Variants in KIRREL1 observed in about 807,000 individuals in gnomAD.
The protein encoded by KIRREL1 is kirre like nephrin family adhesion molecule 1, also known as kin of IRRE-like protein 1.
KIRREL1 carries 25 observed loss-of-function variants against 83.3 expected under a neutral mutation model. The observed-to-expected ratio is 0.30, with a 90% confidence interval of 0.22 to 0.42. The LOEUF (loss-of-function observed/expected upper bound fraction) is 0.42. Ranked by LOEUF, KIRREL1 falls within the 10% of genes least tolerant of loss-of-function variation. KIRREL1 has a pLI of 1.00. For synonymous variants in KIRREL1, 388 were observed against 410.4 expected (o/e 0.95, Z 0.66); for missense variants, 812 against 1,032.3 (o/e 0.79, Z 2.92).
chr1:158,003,854 A>G (rs902943046), intron 1 of KIRREL1, among the ~76,000 whole-genome samples: 1 of 151,682 alleles, frequency 6.6e-6, no homozygotes, highest in African/African-American at 2.4e-5. Flanking sequence ...TGACTTCTGG[A>G]TTATCTGCAC....
intron 1 of KIRREL1, among the ~76,000 whole-genome samples, chr1:158,016,562 A>C (rs1399526490): frequency 1.3e-5 from 2 of 152,166 alleles, no homozygotes; most frequent in African/African-American, 4.8e-5. Flanking sequence ...TTTGGGATGC[A>C]TCATGGTGAT....
chr1:158,039,072 C>T (rs1660554840), intron 1 of KIRREL1, among the ~76,000 whole-genome samples: 1 of 152,154 alleles, frequency 6.6e-6, no homozygotes, highest in Non-Finnish European at 1.5e-5. Flanking sequence ...GGACCGGAGA[C>T]TTCTGATTGA....
At chr1:158,003,562 C>T (rs957343298) in intron 1 of KIRREL1, among the ~76,000 whole-genome samples, 2 of 152,152 alleles carry the variant, frequency 1.3e-5, no homozygotes, top group Non-Finnish European at 2.9e-5. Flanking sequence ...CCCCTTGATG[C>T]CTGACCCTCC....
rs1181094782 is a variant in KIRREL1 at position 158,088,337 on chromosome 1, G to T, written c.927G>T (p.Arg309=). The stretch of plus-strand genomic sequence containing the variant: ...CTTTCTCCCTCACAGTTGCTCCCCG[G>T]ATTGTAGTTGACCCCAAACCCACAA... ...STLVNVHFAP[R]IVVDPKPTTT... is the part of the protein sequence containing the mutation. Residue 309 remains arginine, a synonymous_variant, in exon 8 of 15, where the codon CGG becomes CGT. Transcript: ENST00000359209. The T allele has an allele frequency of 1.9e-6, 3 of 1,613,108 alleles. No homozygotes were observed. Among genetic ancestry groups the T allele is most frequent in the African/African-American group, 1.3e-5 (1 of 74,948 alleles).
intron 1 of KIRREL1, among the ~76,000 whole-genome samples, chr1:158,032,166 A>G (rs533964407): frequency 1.3e-5 from 2 of 152,300 alleles, no homozygotes; most frequent in East Asian, 3.9e-4. Flanking sequence ...TTAAGAATTT[A>G]ATGTATGATG....
At chr1:158,037,396 C>T (rs933447995) in intron 1 of KIRREL1, among the ~76,000 whole-genome samples, 1 of 150,190 alleles carries the variant, frequency 6.7e-6, no homozygotes, top group East Asian at 2.0e-4. Flanking sequence ...GGGAGGCTGA[C>T]GCAGGAGAAT....
chr1:158,061,451 T>C (rs1446972810), intron 1 of KIRREL1, among the ~76,000 whole-genome samples: 1 of 152,076 alleles, frequency 6.6e-6, no homozygotes, highest in African/African-American at 2.4e-5. Context: ...GACTCAGAGA[T>C]GGAGTGAAAG....
chr1:158,092,945 G>A (rs746323803), intron 11 of KIRREL1, among the ~76,000 whole-genome samples: 2 of 151,322 alleles, frequency 1.3e-5, no homozygotes. Flanking sequence ...GAAAGATGTC[G>A]GAACACGGGT....
intron 3 of KIRREL1, among the ~76,000 whole-genome samples, chr1:158,080,505 T>G (rs891010424): frequency 6.6e-6 from 1 of 151,996 alleles, no homozygotes; most frequent in African/African-American, 2.4e-5. Flanking sequence ...GAGGGCATGG[T>G]GGGTATTGAA....
Position 158,089,482 on chromosome 1 carries a change from A to C in KIRREL1, c.1045-20A>C. 6.2e-7 allele frequency: 1 copy of C among 1,613,742 alleles called. No homozygotes were observed. ...CCCAGGCCTCCTGGCTCCCCACCCG[A>C]GGCTGCTCTCTCTGCCCAGGTCCTG... is the stretch of plus-strand genomic sequence containing the variant. On this transcript the variant is annotated intron_variant, in intron 8 of 14. Coordinates refer to ENST00000359209, the MANE Select transcript of KIRREL1 (RefSeq NM_018240.7).
At chr1:158,032,114 AAC>A in intron 1 of KIRREL1, among the ~76,000 whole-genome samples, 1 of 152,204 alleles carries the variant, frequency 6.6e-6, no homozygotes, top group African/African-American at 2.4e-5. Context: ...CAAACAAACA[AAC>A]ACACTTGCAA....
chr1:158,062,506 C>G (rs1376820663), intron 1 of KIRREL1, among the ~76,000 whole-genome samples: 2 of 152,246 alleles, frequency 1.3e-5, no homozygotes, highest in Non-Finnish European at 2.9e-5. Flanking sequence ...TGACCCCAAC[C>G]TGGGGATTCT....
intron 1 of KIRREL1, among the ~76,000 whole-genome samples, chr1:158,010,396 T>TACACAC (rs56077512): frequency 0.11 from 5,079 of 44,556 alleles, 781 homozygotes; most frequent in Non-Finnish European, 0.12. Context: ...CACACATGCA[T>TACACAC]ACACACACAC....
At position 158,097,910 on chromosome 1, in the gene KIRREL1, T is replaced by C. The variant is rs1474492055; in HGVS notation, c.*2790T>C. Reference sequence around the variant, plus strand: ...CTTTCTGTTCATTGCCCCCAATTTGTCTGGCCTGTAAAATGAAGGGGGAGG... The same window carrying C: ...CTTTCTGTTCATTGCCCCCAATTTGCCTGGCCTGTAAAATGAAGGGGGAGG... On this transcript the variant is annotated 3_prime_UTR_variant, in exon 15 of 15. Transcript: ENST00000359209. 1.3e-5 allele frequency: 2 copies of C among 152,232 alleles called. No individual in the cohort carries two copies. The highest frequency in any genetic ancestry group is 1.5e-5 in the Non-Finnish European group (1 of 68,076). 9.4% of individuals were successfully genotyped at this position (152,232 alleles called of 1,614,324 possible).
chr1:158,008,323 A>G (rs1372563996), intron 1 of KIRREL1, among the ~76,000 whole-genome samples: 2 of 152,138 alleles, frequency 1.3e-5, no homozygotes, highest in Non-Finnish European at 2.9e-5. Context: ...GCCAGAAGGC[A>G]GGAGGCTGTG....
At chr1:158,088,571 G>C (rs553489346) in intron 8 of KIRREL1, 117 bp downstream of exon 8, 1 of 856,506 alleles carries the variant, frequency 1.2e-6, no homozygotes, top group African/African-American at 2.0e-5. Flanking sequence ...TGCAAGCTCC[G>C]CCTCCCGGGT....
At chr1:158,086,837 A>AAGAGTCCCCCT (rs139318668) in intron 5 of KIRREL1, 91 bp downstream of exon 5, 24,706 of 1,216,948 alleles carry the variant, frequency 0.02, 458 homozygotes, top group South Asian at 0.049. Context: ...AACACAAACT[A>AAGAGTCCCCCT]AGAGTCCCCC....
intron 1 of KIRREL1, among the ~76,000 whole-genome samples, chr1:158,008,790 G>A (rs1012353931): frequency 3.9e-5 from 6 of 152,126 alleles, no homozygotes; most frequent in Non-Finnish European, 5.9e-5. Context: ...CTCAGAGAGC[G>A]CCTGTCATTT....
At chr1:158,011,979 AT>A (rs2101638215) in intron 1 of KIRREL1, among the ~76,000 whole-genome samples, 1 of 151,422 alleles carries the variant, frequency 6.6e-6, no homozygotes, top group Admixed American at 6.6e-5. Context: ...CTTCATTCTC[AT>A]GACCACCAGC....
Sources: gnomAD v4.1 joint callset for allele counts (sites outside exome capture counted in the v4.1 genomes callset) on GRCh38, gnomAD v4.1.1 for gene constraint, MANE v1.5 for transcripts, NCBI Gene and HGNC (gene_info 2026-07-23, HGNC 2026-07-21) for gene names.